The following CADM2 variants were observed in gnomAD, a reference collection of about 807,000 sequenced individuals.
CADM2 encodes the protein immunoglobulin superfamily member 4D.
Under a neutral mutation model 49.8 loss-of-function variants are expected in CADM2, and 12 were observed. The observed-to-expected ratio is 0.24, with a 90% CI of 0.15 to 0.39. CADM2 has a LOEUF of 0.39. CADM2 is among the 10% of genes least tolerant of loss of function. The pLI is 1.00. For synonymous variants in CADM2, 214 were observed against 175.4 expected, an observed-to-expected ratio of 1.22 and a Z score of -1.74; for missense variants, 378 against 492.3, an observed-to-expected ratio of 0.77 and a Z score of 2.20.
intron 1 of CADM2, among the ~76,000 whole-genome samples, chr3:85,094,660 G>A (rs2037727430): frequency 6.6e-6 from 1 of 152,096 alleles, no homozygotes; most frequent in African/African-American, 2.4e-5. Context: ...GCAAATATTG[G>A]TCAACAGCTT....
intron 1 of CADM2, among the ~76,000 whole-genome samples, chr3:85,181,805 T>C (rs1349343356): frequency 6.6e-6 from 1 of 150,756 alleles, no homozygotes; most frequent in Non-Finnish European, 1.5e-5. Flanking sequence ...TCTCTCTCTA[T>C]ATATTATATA....
chr3:86,055,276 A>G (rs1737786446), intron 8 of CADM2, among the ~76,000 whole-genome samples: 1 of 152,082 alleles, frequency 6.6e-6, no homozygotes, highest in African/African-American at 2.4e-5. Context: ...TGGGTAGTTT[A>G]TAAACAACAG....
At chr3:85,150,838 G>T (rs368870909) in intron 1 of CADM2, among the ~76,000 whole-genome samples, 1 of 151,850 alleles carries the variant, frequency 6.6e-6, no homozygotes. Context: ...CAACCCAAGA[G>T]GCAGAGGTTG....
At chr3:85,871,162 G>C (rs2075912143) in intron 3 of CADM2, among the ~76,000 whole-genome samples, 2 of 152,124 alleles carry the variant, frequency 1.3e-5, no homozygotes, top group African/African-American at 4.8e-5. Flanking sequence ...CTAATATCCA[G>C]CAACTATAAG....
intron 1 of CADM2, among the ~76,000 whole-genome samples, chr3:85,220,745 G>A (rs1191030658): frequency 1.3e-5 from 2 of 151,946 alleles, no homozygotes; most frequent in African/African-American, 2.4e-5. Context: ...CTTGAATACC[G>A]CCTTAGGAGA....
chr3:86,009,829 A>G (rs1395040141), intron 8 of CADM2, among the ~76,000 whole-genome samples: 1 of 151,926 alleles, frequency 6.6e-6, no homozygotes, highest in Non-Finnish European at 1.5e-5. Flanking sequence ...TGTATATACA[A>G]CATGATGTTT....
At chr3:85,157,022 G>A (rs375748970) in intron 1 of CADM2, among the ~76,000 whole-genome samples, 4 of 152,078 alleles carry the variant, frequency 2.6e-5, no homozygotes, top group East Asian at 3.9e-4. Context: ...TGCAAAAATC[G>A]CAAGCATTCT....
chr3:85,387,122 TA>T (rs2034273541), intron 1 of CADM2, among the ~76,000 whole-genome samples: 1 of 152,050 alleles, frequency 6.6e-6, no homozygotes, highest in Admixed American at 6.6e-5. Context: ...GTACACAAAT[TA>T]AAGTTTTGTT....
chr3:85,944,723 A>G (rs1487944298), intron 7 of CADM2, among the ~76,000 whole-genome samples: 1 of 152,150 alleles, frequency 6.6e-6, no homozygotes, highest in Non-Finnish European at 1.5e-5. Context: ...GTTCTTTGAA[A>G]CCAACGAGAA....
intron 1 of CADM2, among the ~76,000 whole-genome samples, chr3:85,725,760 C>T (rs996990744): frequency 6.6e-6 from 1 of 151,982 alleles, no homozygotes; most frequent in Non-Finnish European, 1.5e-5. Context: ...TTTCTAGTCT[C>T]ATGTTTATGT....
At chr3:85,293,950 A>C (rs1238703089) in intron 1 of CADM2, among the ~76,000 whole-genome samples, 2 of 152,136 alleles carry the variant, frequency 1.3e-5, no homozygotes, top group Non-Finnish European at 2.9e-5. Context: ...GCAATTAGGC[A>C]GGAAAAGGAA....
intron 1 of CADM2, among the ~76,000 whole-genome samples, chr3:85,195,883 C>G (rs548269942): frequency 4.0e-5 from 6 of 151,830 alleles, no homozygotes; most frequent in African/African-American, 1.2e-4. Flanking sequence ...TATAATGAAA[C>G]AGTTGTCATT....
chr3:85,627,776 C>T (rs1279195640), intron 1 of CADM2, among the ~76,000 whole-genome samples: 1 of 151,954 alleles, frequency 6.6e-6, no homozygotes, highest in Non-Finnish European at 1.5e-5. Context: ...AATGTGAGCC[C>T]TCCAAAAGCT....
intron 1 of CADM2, among the ~76,000 whole-genome samples, chr3:85,008,638 GAAAA>G (rs200449233): frequency 6.7e-6 from 1 of 149,322 alleles, no homozygotes; most frequent in Non-Finnish European, 1.5e-5. Context: ...ACAAAAATTA[GAAAA>G]AAAAATTGAT....
intron 1 of CADM2, among the ~76,000 whole-genome samples, chr3:85,293,453 T>C (rs2043861585): frequency 7.1e-6 from 1 of 141,318 alleles, no homozygotes; most frequent in Non-Finnish European, 1.5e-5. Context: ...CCAGCATCAT[T>C]CTGATACCAA....
rs1178671714 is a variant in CADM2 at position 85,637,543 on chromosome 3, AGTGAGCC to A, written c.62-88977_62-88971del. On this transcript the variant is annotated intron_variant, in intron 1 of 9. Coordinates refer to ENST00000383699, the MANE Select transcript of CADM2 (RefSeq NM_001167675.2). The stretch of plus-strand genomic sequence containing the variant: ...CGTGAACCCGGGAAGCGGAGCTTGC[AGTGAGCC>A]GAGATTGCGCCACTGCAGTCCGCAG... 1.6e-3 allele frequency among the ~76,000 whole-genome samples: 238 copies of A among 148,314 alleles called. 1 individual carries two copies. The highest frequency in any genetic ancestry group is 5.6e-3 in the African/African-American group (225 of 40,284).
At chr3:85,951,181 TA>T (rs1041101890) in intron 7 of CADM2, among the ~76,000 whole-genome samples, 1 of 151,002 alleles carries the variant, frequency 6.6e-6, no homozygotes, top group African/African-American at 2.4e-5. Flanking sequence ...GAGGATGGAA[TA>T]AGAAACTGAA....
chr3:85,643,983 G>A (rs1051561492), intron 1 of CADM2, among the ~76,000 whole-genome samples: 2 of 151,960 alleles, frequency 1.3e-5, no homozygotes, highest in Non-Finnish European at 2.9e-5. Flanking sequence ...AAGTTTCAAG[G>A]TATGCTAGTT....
chr3:85,731,673 CACAT>C (rs2067934983), intron 2 of CADM2, among the ~76,000 whole-genome samples: 1 of 151,986 alleles, frequency 6.6e-6, no homozygotes, highest in Non-Finnish European at 1.5e-5. Context: ...CTAAAATAAA[CACAT>C]ACAGTATAAG....
Sources: gnomAD v4.1 joint callset for allele counts (sites outside exome capture counted in the v4.1 genomes callset) on GRCh38, gnomAD v4.1.1 for gene constraint, MANE v1.5 for transcripts, NCBI Gene and HGNC (gene_info 2026-07-23, HGNC 2026-07-21) for gene names.